Variants in PTN observed in about 807,000 individuals in gnomAD.
PTN encodes the protein heparin affin regulatory protein.
PTN carries 18 observed loss-of-function variants against 24.1 expected under a neutral mutation model. That is an observed-to-expected ratio of 0.75 (90% CI 0.52 to 1.11). PTN has a LOEUF of 1.11. Among genes scored for constraint, PTN ranks in the 50% least tolerant of loss-of-function variants. The pLI is 0.00. For missense variants in PTN, 163 were observed against 198.8 expected (o/e 0.82, Z 1.08); for synonymous variants, 78 against 68.6 (o/e 1.14, Z -0.67).
intron 1 of PTN, among the ~76,000 whole-genome samples, chr7:137,291,124 G>C (rs184909338): frequency 6.6e-6 from 1 of 152,158 alleles, no homozygotes; most frequent in Non-Finnish European, 1.5e-5. Flanking sequence ...CCCATGAGAA[G>C]TTGTTTATTC....
chr7:137,263,995 T>C (rs1376290614), intron 1 of PTN, among the ~76,000 whole-genome samples: 1 of 152,200 alleles, frequency 6.6e-6, no homozygotes, highest in Non-Finnish European at 1.5e-5. Flanking sequence ...CCTAAGCAAC[T>C]AAGTCATCCT....
At chr7:137,261,625 T>C (rs529657840) in intron 1 of PTN, among the ~76,000 whole-genome samples, 1 of 152,152 alleles carries the variant, frequency 6.6e-6, no homozygotes, top group South Asian at 2.1e-4. Context: ...AAATGGCATA[T>C]AAATTTATTT....
chr7:137,228,219 T>C, intron 4 of PTN, 144 bp from the exon 5 acceptor site: 1 of 618,468 alleles, frequency 1.6e-6, no homozygotes, highest in Non-Finnish European at 2.9e-6. Flanking sequence ...CTTGGTAAAC[T>C]GAGAAAACAC....
In PTN at chr7:137,227,772, T is replaced by C; in HGVS notation, c.*248A>G. ...TTTCAAAAAACTTACCTCAATTGTC[T>C]ATCATTTATCATGTACTATAAGTCA... is the stretch of plus-strand genomic sequence containing the variant. On this transcript the variant is annotated 3_prime_UTR_variant, in exon 5 of 5. Coordinates refer to ENST00000348225, the MANE Select transcript of PTN (RefSeq NM_002825.7). The C allele has an allele frequency of 3.0e-6, 1 of 335,592 alleles. No homozygotes were observed. Among genetic ancestry groups the C allele is most frequent in the East Asian group, 4.5e-5 (1 of 22,134 alleles). 20.8% of individuals were successfully genotyped at this position (335,592 alleles called of 1,614,324 possible).
intron 4 of PTN, among the ~76,000 whole-genome samples, chr7:137,242,449 G>C (rs1005872154): frequency 6.6e-6 from 1 of 152,198 alleles, no homozygotes; most frequent in African/African-American, 2.4e-5. Flanking sequence ...CTCACCTGTA[G>C]CATAGACATC....
intron 1 of PTN, among the ~76,000 whole-genome samples, chr7:137,328,230 G>T (rs932506010): frequency 3.3e-5 from 5 of 152,222 alleles, no homozygotes; most frequent in Admixed American, 1.3e-4. Context: ...TAATCCTGGG[G>T]TTCCTTCATG....
At chr7:137,264,807 G>A (rs1585019382) in intron 1 of PTN, among the ~76,000 whole-genome samples, 1 of 152,136 alleles carries the variant, frequency 6.6e-6, no homozygotes, top group Non-Finnish European at 1.5e-5. Flanking sequence ...GGGACTTTAG[G>A]TTTTGCCTAA....
chr7:137,332,231 G>T (rs1050451108), intron 1 of PTN, among the ~76,000 whole-genome samples: 9 of 152,126 alleles, frequency 5.9e-5, no homozygotes, highest in African/African-American at 2.2e-4. Context: ...GTATATCAGG[G>T]TGCTAACAGT....
chr7:137,263,281 C>G (rs565411469), intron 1 of PTN, among the ~76,000 whole-genome samples: 1 of 152,240 alleles, frequency 6.6e-6, no homozygotes, highest in Admixed American at 6.5e-5. Context: ...GCTTCAGGGT[C>G]GAATCCATGT....
chr7:137,262,467 G>T, intron 1 of PTN, among the ~76,000 whole-genome samples: 1 of 151,914 alleles, frequency 6.6e-6, no homozygotes, highest in East Asian at 1.9e-4. Context: ...ATTTTATATT[G>T]TTTTCTTAGT....
At chr7:137,228,480 G>C (rs1336584562) in intron 4 of PTN, among the ~76,000 whole-genome samples, 1 of 151,748 alleles carries the variant, frequency 6.6e-6, no homozygotes, top group Non-Finnish European at 1.5e-5. Context: ...AACTACAAGA[G>C]CTCTGCTTAG....
At chr7:137,327,688 G>C (rs1007140637) in intron 1 of PTN, among the ~76,000 whole-genome samples, 7 of 151,940 alleles carry the variant, frequency 4.6e-5, no homozygotes, top group African/African-American at 1.7e-4. Context: ...TTCCACTCCA[G>C]ACCAGAATGT....
In PTN at chr7:137,277,842, T is replaced by A. The variant is rs186622408; in HGVS notation, c.-1-22868A>T. Among the ~76,000 whole-genome samples, 351 of 152,110 alleles carry A rather than the reference T, an allele frequency of 2.3e-3. 3 individuals are homozygous for A. Among genetic ancestry groups the A allele is most frequent in the African/African-American group, 7.5e-3 (313 of 41,496 alleles). On this transcript the variant is annotated intron_variant, in intron 1 of 4. Transcript: ENST00000348225. ...GGCTAAGCCTCCCAAAGTGCTTGGA[T>A]TATAAGCATGAGCCACCATGCCCAG...
intron 1 of PTN, among the ~76,000 whole-genome samples, chr7:137,340,678 G>A (rs1006972977): frequency 6.6e-6 from 1 of 152,240 alleles, no homozygotes; most frequent in African/African-American, 2.4e-5. Flanking sequence ...TAGAACAGAA[G>A]CCAGAGCTAA....
chr7:137,295,647 T>C (rs1440883450), intron 1 of PTN, among the ~76,000 whole-genome samples: 2 of 152,098 alleles, frequency 1.3e-5, no homozygotes, highest in African/African-American at 4.8e-5. Flanking sequence ...TTTGTATATA[T>C]TGGATTAAAT....
intron 1 of PTN, among the ~76,000 whole-genome samples, chr7:137,261,503 T>G (rs1167019349): frequency 2.0e-5 from 3 of 152,216 alleles, no homozygotes; most frequent in African/African-American, 7.2e-5. Context: ...GCTTGACATC[T>G]ATGTAATCAG....
intron 1 of PTN, among the ~76,000 whole-genome samples, chr7:137,278,243 C>T (rs1809399825): frequency 7.7e-6 from 1 of 130,020 alleles, no homozygotes; most frequent in Admixed American, 8.9e-5. Flanking sequence ...GGAGGCGGAG[C>T]TTGCAGTGAG....
chr7:137,238,397 T>C (rs1308758783), intron 4 of PTN, among the ~76,000 whole-genome samples: 2 of 152,196 alleles, frequency 1.3e-5, no homozygotes, highest in Non-Finnish European at 2.9e-5. Context: ...GAACCCTAGA[T>C]TGAAAATGCA....
chr7:137,249,822 A>G (rs1439042402), intron 4 of PTN, among the ~76,000 whole-genome samples: 2 of 152,146 alleles, frequency 1.3e-5, no homozygotes, highest in Non-Finnish European at 2.9e-5. Flanking sequence ...CATGATCTGG[A>G]AAGGGCAGCC....
Sources: gnomAD v4.1 joint callset for allele counts (sites outside exome capture counted in the v4.1 genomes callset) on GRCh38, gnomAD v4.1.1 for gene constraint, MANE v1.5 for transcripts, NCBI Gene and HGNC (gene_info 2026-07-23, HGNC 2026-07-21) for gene names.